CSMD2: variants seen among roughly 807,000 people sequenced by gnomAD.
CSMD2 encodes CUB and sushi domain-containing protein 2.
Under a neutral mutation model 398.5 loss-of-function variants are expected in CSMD2, and 130 were observed. That is an observed-to-expected ratio of 0.33 (90% CI 0.28 to 0.38). The LOEUF is 0.38. Ranked by LOEUF, CSMD2 falls within the 10% of genes least tolerant of loss-of-function variation. CSMD2 has a pLI of 1.00. For missense variants in CSMD2, 3,829 were observed against 4,764.9 expected (o/e 0.80, Z 5.78); for synonymous variants, 1,828 against 1,908.5 (o/e 0.96, Z 1.10).
intron 4 of CSMD2, among the ~76,000 whole-genome samples, chr1:33,929,887 C>T (rs781419986): frequency 4.6e-4 from 70 of 152,204 alleles, no homozygotes; most frequent in Non-Finnish European, 9.0e-4. Flanking sequence ...CTCCTTGTCA[C>T]AGGACTCATT....
rs912162804 is a variant in CSMD2, at chr1:33,689,451, A to G, written c.4052+3479T>C. ...CCCCCATGACTTCATATTTCTTGCT[A>G]TGTTACTCTGGAGAGGACGTTTCCT... On this transcript the variant is annotated intron_variant, in intron 25 of 70. Coordinates refer to ENST00000373381, the MANE Select transcript of CSMD2 (RefSeq NM_001281956.2). Among the ~76,000 whole-genome samples the G allele has an allele frequency of 6.6e-5, 10 of 151,962 alleles. No individual in the cohort carries two copies. The East Asian group carries it at 1.4e-3, about 21-fold the overall frequency.
intron 41 of CSMD2, 33 bp downstream of exon 41, chr1:33,611,004 TAGAC>T (rs1337698046): frequency 3.1e-6 from 5 of 1,588,488 alleles, no homozygotes; most frequent in African/African-American, 1.3e-5. Flanking sequence ...GAGATGGAGA[TAGAC>T]AGAGAAGCAA....
chr1:33,674,965 A>C (rs1367645342), intron 25 of CSMD2, among the ~76,000 whole-genome samples: 1 of 152,244 alleles, frequency 6.6e-6, no homozygotes, highest in African/African-American at 2.4e-5. Context: ...AGCAGTGTGT[A>C]GAGGGAAATT....
chr1:33,820,965 A>G (rs1658076225), intron 7 of CSMD2, among the ~76,000 whole-genome samples: 1 of 152,184 alleles, frequency 6.6e-6, no homozygotes, highest in Non-Finnish European at 1.5e-5. Flanking sequence ...TCAGCCCCAG[A>G]TGGAGAAATG....
intron 4 of CSMD2, among the ~76,000 whole-genome samples, chr1:33,929,141 C>T (rs919832181): frequency 6.6e-6 from 1 of 152,132 alleles, no homozygotes; most frequent in Non-Finnish European, 1.5e-5. Context: ...TCAACTTTGG[C>T]CCTTTATTCT....
intron 3 of CSMD2, among the ~76,000 whole-genome samples, chr1:34,007,594 T>A (rs1324729945): frequency 2.0e-5 from 3 of 152,232 alleles, no homozygotes; most frequent in Non-Finnish European, 4.4e-5. Flanking sequence ...CATGCCCTTA[T>A]AGATTTATTC....
In CSMD2 at chr1:34,132,230, AC is replaced by A. The variant is rs1558437118; in HGVS notation, c.187+32680del. Among the ~76,000 whole-genome samples the A allele has an allele frequency of 2.6e-5, 4 of 151,720 alleles. No homozygotes were observed. In the South Asian group the frequency reaches 8.4e-4, roughly 32 times the overall value. ...CCATGGACATAAGGGAGAATGGGAG[AC>A]CTGTGGCACCTCGTCCTGCTGACCC... On this transcript the variant is annotated intron_variant, in intron 1 of 70. Coordinates refer to ENST00000373381, the MANE Select transcript of CSMD2 (RefSeq NM_001281956.2).
chr1:33,950,373 T>C (rs1558149487), intron 3 of CSMD2, among the ~76,000 whole-genome samples: 1 of 133,028 alleles, frequency 7.5e-6, no homozygotes, highest in Non-Finnish European at 1.6e-5. Context: ...TCTCCTTATT[T>C]CTCCTCCAGC....
chr1:33,768,593 G>C (rs981479732), intron 13 of CSMD2, among the ~76,000 whole-genome samples: 13 of 150,804 alleles, frequency 8.6e-5, no homozygotes, highest in African/African-American at 3.2e-4. Flanking sequence ...CAGAACAGAA[G>C]GTGGGATAAG....
intron 5 of CSMD2, chr1:33,885,346 TG>T (rs1641517886): frequency 6.6e-6 from 1 of 152,110 alleles, no homozygotes; most frequent in Non-Finnish European, 1.5e-5. Context: ...GCCTGGCTTA[TG>T]GAGGAGGCAA....
At position 33,748,200 on chromosome 1, in the gene CSMD2, C is replaced by A. The variant is rs571064391; in HGVS notation, c.1847-4594G>T. Among the ~76,000 whole-genome samples the A allele has an allele frequency of 4.9e-4, 75 of 152,152 alleles. 1 individual carries two copies. Among genetic ancestry groups the A allele is most frequent in the Admixed American group, 9.8e-4 (15 of 15,272 alleles). On this transcript the variant is annotated intron_variant, in intron 13 of 70. Coordinates refer to ENST00000373381, the MANE Select transcript of CSMD2 (RefSeq NM_001281956.2). The stretch of plus-strand genomic sequence containing the variant: ...GTGCGTTGTCTTACAAAGATCTAAT[C>A]TTTCTTGCTCTGGAAAATTATGTAT...
intron 5 of CSMD2, among the ~76,000 whole-genome samples, chr1:33,896,179 T>A (rs1231899773): frequency 6.6e-6 from 1 of 151,956 alleles, no homozygotes; most frequent in East Asian, 1.9e-4. Context: ...AACCAATGAA[T>A]CATCCTAACT....
intron 2 of CSMD2, among the ~76,000 whole-genome samples, chr1:34,059,735 TGAATGAAC>T (rs1012333172): frequency 3.3e-5 from 5 of 152,166 alleles, no homozygotes; most frequent in African/African-American, 1.2e-4. Flanking sequence ...AATGAATGAA[TGAATGAAC>T]GAATGAACAC....
At chr1:33,901,093 G>T (rs1322347524) in intron 5 of CSMD2, among the ~76,000 whole-genome samples, 2 of 152,234 alleles carry the variant, frequency 1.3e-5, no homozygotes, top group African/African-American at 2.4e-5. Context: ...TGCAAGATGG[G>T]TATGCCAATA....
chr1:33,695,596 G>A (rs573071297), intron 24 of CSMD2, among the ~76,000 whole-genome samples: 2 of 152,288 alleles, frequency 1.3e-5, no homozygotes, highest in South Asian at 2.1e-4. Context: ...ACTCTACTTT[G>A]CCCACATTGC....
chr1:33,636,431 G>C lies in CSMD2; in HGVS notation c.4898C>G (p.Thr1633Ser). ...YCHGGYEVEG[T>S]STLSCILGPD... ...CCCCAGGATGCAGCTCAGGGTCGAG[G>C]TGCCCTCAACTTCGTAGCCCCCGTG... Residue 1633 changes from threonine (T) to serine (S), a missense_variant, in exon 30 of 71, where the codon ACC (threonine) becomes AGC (serine). By Grantham distance (58) the Thr-to-Ser change is moderately conservative (BLOSUM62 1). Coordinates refer to ENST00000373381, the MANE Select transcript of CSMD2 (RefSeq NM_001281956.2). This position sits in a 1 kb window ranked among gnomAD's most constrained non-coding sequence, Gnocchi z 4.8. The C allele has an allele frequency of 6.2e-7, 1 of 1,614,130 alleles. No individual in the cohort carries two copies. The highest frequency in any genetic ancestry group is 8.5e-7 in the Non-Finnish European group (1 of 1,180,010).
At position 33,714,604 on chromosome 1, in the gene CSMD2, G is replaced by A; in HGVS notation, c.3389C>T (p.Pro1130Leu). Residue 1130 changes from proline (P) to leucine (L), a missense_variant, in exon 21 of 71, where the codon CCT becomes CTT. Pro to Leu is a moderately conservative substitution (Grantham distance 98, BLOSUM62 -3). Around this residue, in one of 5 missense-constraint regions of CSMD2, gnomAD observed 2,001 missense variants for 2,567.1 expected, o/e 0.78. Transcript: ENST00000373381. ...LGGRRRLWSS[P>L]LPRCVAECGN... Reference sequence around the variant, plus strand: ...CCACCTACCAACACACCTTGGCAGAGGCGAGCTCCACAGGCGCCGTCTGCC... The same window carrying A: ...CCACCTACCAACACACCTTGGCAGAAGCGAGCTCCACAGGCGCCGTCTGCC... 2 of 1,613,890 alleles carry A rather than the reference G, an allele frequency of 1.2e-6. No individual in the cohort carries two copies. Among genetic ancestry groups the A allele is most frequent in the Non-Finnish European group, 1.7e-6 (2 of 1,180,016 alleles).
chr1:33,961,706 C>T (rs963598885), intron 3 of CSMD2, among the ~76,000 whole-genome samples: 9 of 152,230 alleles, frequency 5.9e-5, no homozygotes, highest in East Asian at 1.9e-4. Flanking sequence ...CATGAGTTCA[C>T]GCAGTTGATC....
At chr1:34,132,287 C>G (rs1611903) in intron 1 of CSMD2, among the ~76,000 whole-genome samples, 55,753 of 151,770 alleles carry the variant, frequency 0.37, 11,383 homozygotes, top group East Asian at 0.68. Flanking sequence ...CTAATAAAGC[C>G]CCGATTCACT....
Sources: gnomAD v4.1 joint callset for allele counts (sites outside exome capture counted in the v4.1 genomes callset) on GRCh38, gnomAD v4.1.1 for gene constraint, gnomAD v4.1.1 regional missense constraint, Gnocchi (gnomAD v3.1) non-coding constraint, MANE v1.5 for transcripts, NCBI Gene and HGNC (gene_info 2026-07-23, HGNC 2026-07-21) for gene names.